Variants in DAPK1 observed in about 807,000 individuals in gnomAD.
DAPK1 encodes the protein death-associated protein kinase 1.
In DAPK1, 56 loss-of-function variants were observed where a neutral mutation model predicts 144.9. That is an observed-to-expected ratio of 0.39 (90% CI 0.31 to 0.48). DAPK1 has a LOEUF of 0.48. DAPK1 is among the 20% of genes least tolerant of loss of function. The pLI is 0.95. For missense variants in DAPK1, 1,454 were observed against 1,875.4 expected (o/e 0.78, Z 4.15); for synonymous variants, 690 against 749.0 (o/e 0.92, Z 1.29).
At chr9:87,539,314 C>T (rs1005037262) in intron 2 of DAPK1, among the ~76,000 whole-genome samples, 14 of 152,084 alleles carry the variant, frequency 9.2e-5, no homozygotes, top group African/African-American at 3.4e-4. Flanking sequence ...TACGGTAGTC[C>T]TCTCTTATCC....
At chr9:87,650,410 C>A in intron 16 of DAPK1, 2 of 330,140 alleles carry the variant, frequency 6.1e-6, no homozygotes, top group Non-Finnish European at 1.1e-5. Flanking sequence ...TCACTGAATC[C>A]GAGACAATTC....
chr9:87,550,102 G>C (rs1826421074), intron 2 of DAPK1, among the ~76,000 whole-genome samples: 1 of 152,132 alleles, frequency 6.6e-6, no homozygotes, highest in Admixed American at 6.5e-5. Flanking sequence ...TGCATTCCCT[G>C]GGTAACATGA....
chr9:87,703,334 G>C, intron 25 of DAPK1, 117 bp downstream of exon 25: 2 of 625,164 alleles, frequency 3.2e-6, no homozygotes, highest in South Asian at 3.8e-5. Flanking sequence ...AAATGGTCCA[G>C]CTAACCTACA....
rs76185945 is a variant in DAPK1, at chr9:87,529,467, C to T, written c.62+30328C>T. ...TAAGGGTATCATTTATTCTGTGACT[C>T]TTTGAGGAGATTTGGTGTCTGTTTT... is the stretch of plus-strand genomic sequence containing the variant. On this transcript the variant is annotated intron_variant, in intron 2 of 25. Transcript: ENST00000408954. Among the ~76,000 whole-genome samples, 36 of 152,264 alleles carry T rather than the reference C, an allele frequency of 2.4e-4. 1 individual carries two copies. The East Asian group carries it at 5.4e-3, about 23-fold the overall frequency.
chr9:87,618,381 C>G (rs930061977), intron 3 of DAPK1, among the ~76,000 whole-genome samples: 3 of 152,162 alleles, frequency 2.0e-5, no homozygotes, highest in Non-Finnish European at 4.4e-5. Flanking sequence ...GTCTGTTCCT[C>G]AAAATGTTAA....
intron 2 of DAPK1, among the ~76,000 whole-genome samples, chr9:87,541,319 G>A (rs139164818): frequency 2.0e-5 from 3 of 152,244 alleles, no homozygotes; most frequent in South Asian, 2.1e-4. Context: ...AGGCCAAGGC[G>A]GGCAGATCCC....
Position 87,646,470 on chromosome 9 carries a change from C to T in DAPK1, c.1141C>T (p.Pro381Ser). 1.9e-6 allele frequency: 3 copies of T among 1,613,252 alleles called. No homozygotes were observed. Among genetic ancestry groups the T allele is most frequent in the Non-Finnish European group, 2.5e-6 (3 of 1,179,248 alleles). ...TTCTTGCCTATTCTAGCACGGGACACCTCCATTACTCATTGCTGCTGGCTG... is the reference window on the plus strand; with the variant it reads ...TTCTTGCCTATTCTAGCACGGGACATCTCCATTACTCATTGCTGCTGGCTG... The part of the protein sequence containing the change: ...DVNQPNKHGT[P>S]PLLIAAGCGN... The change falls in exon 13 of 26, where the codon CCT becomes TCT. Residue 381 changes from proline (P) to serine (S), a missense_variant. Pro to Ser is a moderately conservative substitution (Grantham distance 74). Coordinates refer to ENST00000408954, the MANE Select transcript of DAPK1 (RefSeq NM_004938.4).
At chr9:87,605,418 G>A (rs1828680884) in intron 3 of DAPK1, among the ~76,000 whole-genome samples, 1 of 152,218 alleles carries the variant, frequency 6.6e-6, no homozygotes, top group South Asian at 2.1e-4. Context: ...GGGTCTCCCA[G>A]TCTTGCGGTT....
In DAPK1 at chr9:87,571,498, A is replaced by ACACACACACACACACACAC. The variant is rs1554684284; in HGVS notation, c.63-33456_63-33455insCACACACACACACACACAC. 8.4e-4 allele frequency among the ~76,000 whole-genome samples: 39 copies of ACACACACACACACACACAC among 46,500 alleles called. 2 individuals carry two copies. Among genetic ancestry groups the ACACACACACACACACACAC allele is most frequent in the Admixed American group, 1.4e-3 (5 of 3,548 alleles). The allele number at this position is 46,500 out of a possible 152,430, so 30.5% of individuals were successfully genotyped here. A position where few individuals can be genotyped will look rare whatever the true frequency, so the allele number is the denominator to read the frequency against. ...ACCAACACACACACACACACACCCC[A>ACACACACACACACACACAC]ACACACACACACACACACACACACA... is the stretch of plus-strand genomic sequence containing the variant. On this transcript the variant is annotated intron_variant, in intron 2 of 25. Coordinates refer to ENST00000408954, the MANE Select transcript of DAPK1 (RefSeq NM_004938.4).
chr9:87,583,867 G>A (rs1403468411), intron 2 of DAPK1, among the ~76,000 whole-genome samples: 1 of 152,170 alleles, frequency 6.6e-6, no homozygotes, highest in Non-Finnish European at 1.5e-5. Context: ...TTCAGTTCAT[G>A]GGGTTGGAGG....
chr9:87,593,577 C>T (rs557758670), intron 2 of DAPK1, among the ~76,000 whole-genome samples: 1 of 152,298 alleles, frequency 6.6e-6, no homozygotes, highest in East Asian at 1.9e-4. Context: ...GACTACCAAG[C>T]TCTGTCCTTT....
intron 11 of DAPK1, among the ~76,000 whole-genome samples, 175 bp from the exon 12 acceptor site, chr9:87,645,720 G>A (rs1830242737): frequency 6.6e-6 from 1 of 152,200 alleles, no homozygotes; most frequent in African/African-American, 2.4e-5. Context: ...TTGCAACATG[G>A]AAGGGGCAAA....
chr9:87,519,102 T>C (rs1825194961), intron 2 of DAPK1, among the ~76,000 whole-genome samples: 2 of 152,320 alleles, frequency 1.3e-5, no homozygotes, highest in Middle Eastern at 3.4e-3. Context: ...CCTGCTTGTT[T>C]AGGCCTTTGT....
chr9:87,531,134 T>C (rs1825683745), intron 2 of DAPK1, among the ~76,000 whole-genome samples: 1 of 152,200 alleles, frequency 6.6e-6, no homozygotes, highest in Non-Finnish European at 1.5e-5. Context: ...TATTTAAGGA[T>C]AAAATGCTCT....
intron 24 of DAPK1, among the ~76,000 whole-genome samples, chr9:87,702,184 A>G (rs1277261369): frequency 6.6e-6 from 1 of 152,202 alleles, no homozygotes; most frequent in Admixed American, 6.5e-5. Flanking sequence ...TTTTGAATGC[A>G]GAGTGGAATT....
intron 2 of DAPK1, among the ~76,000 whole-genome samples, chr9:87,547,453 G>A (rs34689263): frequency 0.041 from 6,252 of 152,264 alleles, 181 homozygotes; most frequent in Middle Eastern, 0.095. Flanking sequence ...CACTCAGATA[G>A]TAAGACTGAG....
intron 2 of DAPK1, among the ~76,000 whole-genome samples, chr9:87,529,315 C>T (rs960113372): frequency 6.6e-6 from 1 of 152,180 alleles, no homozygotes; most frequent in Admixed American, 6.5e-5. Context: ...CGAATTCTTT[C>T]TTTTGAGGAG....
rs138097942 is a variant in DAPK1, at chr9:87,581,783, T to C, written c.63-23171T>C. 1.4e-4 allele frequency among the ~76,000 whole-genome samples: 22 copies of C among 152,362 alleles called. No individual in the cohort carries two copies. The East Asian group carries it at 3.7e-3, about 25-fold the overall frequency. The stretch of plus-strand genomic sequence containing the variant: ...GGAGAAACTTTGCTACACAGGAAGA[T>C]GTCTGCCACCGGGGAACAAACCAGC... On this transcript the variant is annotated intron_variant, in intron 2 of 25. Coordinates refer to ENST00000408954, the MANE Select transcript of DAPK1 (RefSeq NM_004938.4).
At chr9:87,702,625 T>G (rs961741340) in intron 24 of DAPK1, among the ~76,000 whole-genome samples, 8 of 152,132 alleles carry the variant, frequency 5.3e-5, no homozygotes, top group African/African-American at 1.9e-4. Context: ...CCAAAAACGT[T>G]CCTAGAAGAC....
Sources: gnomAD v4.1 joint callset for allele counts (sites outside exome capture counted in the v4.1 genomes callset) on GRCh38, gnomAD v4.1.1 for gene constraint, MANE v1.5 for transcripts, NCBI Gene and HGNC (gene_info 2026-07-23, HGNC 2026-07-21) for gene names.